Variants in COLGALT2 observed in about 807,000 individuals in gnomAD.
The protein encoded by COLGALT2 is collagen beta(1-O)galactosyltransferase 2.
COLGALT2 carries 49 observed loss-of-function variants against 73.4 expected under a neutral mutation model. The ratio of observed to expected loss-of-function variants is 0.67; its 90% CI spans 0.53 to 0.85. The LOEUF is 0.85. COLGALT2 is among the 40% of genes least tolerant of loss of function. COLGALT2 has a pLI of 0.00. For missense variants in COLGALT2, 722 were observed against 790.2 expected, an observed-to-expected ratio of 0.91 and a Z score of 1.03; for synonymous variants, 295 against 307.6, an observed-to-expected ratio of 0.96 and a Z score of 0.43.
intron 1 of COLGALT2, among the ~76,000 whole-genome samples, chr1:183,999,558 A>G (rs1052353886): frequency 2.6e-5 from 4 of 152,128 alleles, no homozygotes; most frequent in African/African-American, 9.6e-5. Flanking sequence ...GAAATAATAT[A>G]TAAAGCCTAT....
intron 1 of COLGALT2, among the ~76,000 whole-genome samples, chr1:183,999,434 CTCA>C (rs1486030384): frequency 6.6e-6 from 1 of 151,896 alleles, no homozygotes; most frequent in Admixed American, 6.6e-5. Context: ...TTATACGGTC[CTCA>C]TATGATTTTA....
chr1:183,983,875 C>T (rs1250313177), intron 1 of COLGALT2, among the ~76,000 whole-genome samples: 1 of 152,172 alleles, frequency 6.6e-6, no homozygotes, highest in Admixed American at 6.5e-5. Context: ...TTGAAGAAAA[C>T]AAATGATGTG....
chr1:184,025,443 G>A (rs565366858), intron 1 of COLGALT2, among the ~76,000 whole-genome samples: 3 of 152,308 alleles, frequency 2.0e-5, no homozygotes, highest in South Asian at 4.1e-4. Flanking sequence ...AAGCAAAGCT[G>A]GGCAACACAC....
chr1:183,990,140 T>C (rs191509534), intron 1 of COLGALT2, among the ~76,000 whole-genome samples: 16 of 152,344 alleles, frequency 1.1e-4, no homozygotes, highest in African/African-American at 3.8e-4. Flanking sequence ...TCTTTTTCCC[T>C]AGTAATAGAA....
intron 6 of COLGALT2, among the ~76,000 whole-genome samples, chr1:183,955,779 G>C (rs971773169): frequency 1.3e-5 from 2 of 152,206 alleles, no homozygotes; most frequent in African/African-American, 4.8e-5. Context: ...ATGATAGCTG[G>C]TAACTGGGTT....
rs116528012 is a variant in COLGALT2, at chr1:183,963,816, C to T, written c.952+85G>A. On this transcript the variant is annotated intron_variant, in intron 6 of 11. Transcript: ENST00000361927. Reference sequence around the variant, plus strand: ...GGGGAGACTGATGGCTGTGAGATTCCAATCCTGGAAGAGGAGGGAAGTGGC... The same window carrying T: ...GGGGAGACTGATGGCTGTGAGATTCTAATCCTGGAAGAGGAGGGAAGTGGC... The T allele has an allele frequency of 3.3e-3, 4,489 of 1,348,644 alleles. 98 individuals carry two copies. In the African/African-American group the frequency reaches 0.054, roughly 16 times the overall value. The allele number at this position is 1,348,644 out of a possible 1,614,324, so 83.5% of individuals were successfully genotyped here. A position where few individuals can be genotyped will look rare whatever the true frequency, so the allele number is the denominator to read the frequency against.
At chr1:183,995,307 T>G (rs1671742508) in intron 1 of COLGALT2, among the ~76,000 whole-genome samples, 1 of 152,258 alleles carries the variant, frequency 6.6e-6, no homozygotes, top group African/African-American at 2.4e-5. Flanking sequence ...ATCTAACCAC[T>G]GGCAAAAGTG....
chr1:184,020,837 T>C (rs10911493), intron 1 of COLGALT2, among the ~76,000 whole-genome samples: 30,676 of 152,092 alleles, frequency 0.2, 3,533 homozygotes, highest in East Asian at 0.48. Context: ...CCTTATGACA[T>C]TCTTGCTTGG....
chr1:183,945,852 ATTAG>A (rs1418439458), intron 8 of COLGALT2: 29 of 384,250 alleles, frequency 7.5e-5, no homozygotes, highest in Admixed American at 1.3e-4. Context: ...TCCTATGGAA[ATTAG>A]TTAAAGTACT....
chr1:183,981,265 A>T, intron 1 of COLGALT2, among the ~76,000 whole-genome samples: 1 of 152,330 alleles, frequency 6.6e-6, no homozygotes. Context: ...ACAGTTTTGA[A>T]AAATGATCAG....
chr1:183,941,922 C>A (rs1251666898), intron 10 of COLGALT2, among the ~76,000 whole-genome samples: 1 of 150,822 alleles, frequency 6.6e-6, no homozygotes, highest in Non-Finnish European at 1.5e-5. Context: ...TTCCATGAAA[C>A]AAGTTCATTG....
In COLGALT2 at chr1:183,940,738, G is replaced by A. The variant is rs754072890; in HGVS notation, c.1447C>T (p.Pro483Ser). The A allele has an allele frequency of 1.2e-6, 2 of 1,614,198 alleles. No homozygotes were observed. ...GCTTCGACCAGGTTTGCCACATTGG[G>A]CACTGCTTTCTCTGGCTCCTTTACT... ...MQVKEPEKAV[P>S]NVANLVEADY... The change falls in exon 11 of 12, where the codon CCC becomes TCC. Residue 483 changes from proline to serine, a missense_variant. By Grantham distance (74) the Pro-to-Ser change is moderately conservative (BLOSUM62 -1). Coordinates refer to ENST00000361927, the MANE Select transcript of COLGALT2 (RefSeq NM_015101.4).
At chr1:184,024,448 G>C (rs895503449) in intron 1 of COLGALT2, among the ~76,000 whole-genome samples, 5 of 151,568 alleles carry the variant, frequency 3.3e-5, no homozygotes, top group African/African-American at 1.2e-4. Context: ...CATCTCCTGG[G>C]TTCAAGTGAT....
rs117982356 is a variant in COLGALT2, at chr1:183,995,581, C to T, written c.264-17061G>A. ...GGAAGCCAGAGCCACGTCAGGCTAG[C>T]AAGCGCTCAAGGGCTTCTTGTATAC... is the stretch of plus-strand genomic sequence containing the variant. On this transcript the variant is annotated intron_variant, in intron 1 of 11. Transcript: ENST00000361927. Among the ~76,000 whole-genome samples, 298 of 152,350 alleles carry T rather than the reference C, an allele frequency of 2.0e-3. 9 individuals carry two copies. The East Asian group carries it at 0.051, about 26-fold the overall frequency.
chr1:183,989,980 G>C (rs1671588866), intron 1 of COLGALT2, among the ~76,000 whole-genome samples: 1 of 152,174 alleles, frequency 6.6e-6, no homozygotes. Context: ...AAGACAGCTT[G>C]TTGAATAGGC....
chr1:183,988,024 C>T (rs1671532317), intron 1 of COLGALT2, among the ~76,000 whole-genome samples: 1 of 152,212 alleles, frequency 6.6e-6, no homozygotes, highest in Non-Finnish European at 1.5e-5. Context: ...CCAGGTCCAT[C>T]TATCCACACA....
chr1:184,008,246 AT>A (rs1672135872), intron 1 of COLGALT2, among the ~76,000 whole-genome samples: 2 of 152,304 alleles, frequency 1.3e-5, no homozygotes, highest in East Asian at 3.9e-4. Context: ...ACAGGCCTGT[AT>A]TTTTTTAAGA....
chr1:183,986,861 T>C (rs1471612396), intron 1 of COLGALT2, among the ~76,000 whole-genome samples: 1 of 152,108 alleles, frequency 6.6e-6, no homozygotes, highest in African/African-American at 2.4e-5. Context: ...GCTTGGCCTT[T>C]TTATTTAGGC....
Position 183,963,971 on chromosome 1 carries a change from G to T in COLGALT2, c.882C>A (p.Ile294=), listed in dbSNP as rs756680377. The change falls in exon 6 of 12, where the codon ATC becomes ATA. Residue 294 remains isoleucine (I), a synonymous_variant. Coordinates refer to ENST00000361927, the MANE Select transcript of COLGALT2 (RefSeq NM_015101.4). ...CNREHYGYLP[I]PLKPHQTLQE... is the part of the protein sequence containing the mutation. ...GCAGTGTCTGATGGGGCTTCAGGGGGATGGGCAGGTAGCCATAGTGCTCTC... is the reference window on the plus strand; with the variant it reads ...GCAGTGTCTGATGGGGCTTCAGGGGTATGGGCAGGTAGCCATAGTGCTCTC... 6.2e-6 allele frequency: 10 copies of T among 1,613,508 alleles called. 1 individual carries two copies. In the South Asian group the frequency reaches 7.7e-5, roughly 12 times the overall value.
Sources: gnomAD v4.1 joint callset for allele counts (sites outside exome capture counted in the v4.1 genomes callset) on GRCh38, gnomAD v4.1.1 for gene constraint, MANE v1.5 for transcripts, NCBI Gene and HGNC (gene_info 2026-07-23, HGNC 2026-07-21) for gene names.